Variants in DGKB observed in about 807,000 individuals in gnomAD.
DGKB encodes the protein diacylglycerol kinase beta.
DGKB carries 67 observed loss-of-function variants against 114.3 expected under a neutral mutation model. The ratio of observed to expected loss-of-function variants is 0.59; its 90% CI spans 0.48 to 0.72. The LOEUF (loss-of-function observed/expected upper bound fraction) is 0.72. Among genes scored for constraint, DGKB ranks in the 30% least tolerant of loss-of-function variants. The pLI is 0.00. For missense variants in DGKB, 907 were observed against 975.2 expected, an observed-to-expected ratio of 0.93 and a Z score of 0.93; for synonymous variants, 398 against 323.1, an observed-to-expected ratio of 1.23 and a Z score of -2.49.
intron 1 of DGKB, among the ~76,000 whole-genome samples, chr7:14,920,776 A>C (rs1398705189): frequency 6.6e-6 from 1 of 152,210 alleles, no homozygotes; most frequent in Non-Finnish European, 1.5e-5. Context: ...AAAGATAAGT[A>C]AACTAGGGTA....
intron 12 of DGKB, among the ~76,000 whole-genome samples, chr7:14,680,752 A>G (rs1246573441): frequency 2.0e-5 from 3 of 151,970 alleles, no homozygotes; most frequent in African/African-American, 7.2e-5. Flanking sequence ...GATTAAATAG[A>G]GAAAGAATGA....
At chr7:14,508,226 T>C (rs1584462937) in intron 20 of DGKB, among the ~76,000 whole-genome samples, 1 of 152,200 alleles carries the variant, frequency 6.6e-6, no homozygotes, top group Non-Finnish European at 1.5e-5. Context: ...GTTAGCACAG[T>C]AGGGCTCAAA....
At chr7:14,528,572 A>T (rs1791021789) in intron 20 of DGKB, among the ~76,000 whole-genome samples, 1 of 152,100 alleles carries the variant, frequency 6.6e-6, no homozygotes, top group South Asian at 2.1e-4. Context: ...ATTATGAAGT[A>T]ATCTGTAGAA....
chr7:14,558,737 C>A (rs1227099903), intron 20 of DGKB, among the ~76,000 whole-genome samples: 1 of 152,140 alleles, frequency 6.6e-6, no homozygotes, highest in Non-Finnish European at 1.5e-5. Flanking sequence ...ACCTGCTCAG[C>A]AATTTTATGG....
chr7:14,881,608 A>G (rs896639658), intron 1 of DGKB, among the ~76,000 whole-genome samples: 2 of 152,092 alleles, frequency 1.3e-5, no homozygotes, highest in African/African-American at 4.8e-5. Flanking sequence ...GCTAGGTATT[A>G]TGTGTGTAGA....
chr7:14,229,697 A>G (rs74994201), intron 23 of DGKB, among the ~76,000 whole-genome samples: 8,551 of 152,038 alleles, frequency 0.056, 449 homozygotes, highest in East Asian at 0.13. Flanking sequence ...TGTTTTTTCA[A>G]CAATTACAAA....
chr7:14,379,122 T>C (rs1818972436), intron 21 of DGKB, among the ~76,000 whole-genome samples: 1 of 152,092 alleles, frequency 6.6e-6, no homozygotes, highest in Admixed American at 6.6e-5. Context: ...TTTTAAGACT[T>C]TTTCCCATTA....
At chr7:14,186,916 T>G (rs1783528775) in intron 23 of DGKB, among the ~76,000 whole-genome samples, 1 of 152,020 alleles carries the variant, frequency 6.6e-6, no homozygotes, top group Non-Finnish European at 1.5e-5. Context: ...ATATAGTGAG[T>G]GTATACTGCT....
At chr7:14,635,123 A>C (rs116345208) in intron 13 of DGKB, among the ~76,000 whole-genome samples, 308 of 151,598 alleles carry the variant, frequency 2.0e-3, no homozygotes, top group African/African-American at 6.8e-3. Flanking sequence ...ACTACTTCTC[A>C]CCTGACTCAA....
At chr7:14,326,545 C>G (rs1808771183) in intron 23 of DGKB, among the ~76,000 whole-genome samples, 1 of 151,984 alleles carries the variant, frequency 6.6e-6, no homozygotes, top group Admixed American at 6.6e-5. Context: ...GTAATGAAAT[C>G]TGAAGAAAAC....
intron 8 of DGKB, among the ~76,000 whole-genome samples, chr7:14,697,422 G>C (rs1428606489): frequency 1.3e-5 from 2 of 152,184 alleles, no homozygotes; most frequent in East Asian, 3.9e-4. Context: ...TTATGGCATG[G>C]CATGGCCTTG....
chr7:14,157,296 C>T (rs1783156166), intron 25 of DGKB, among the ~76,000 whole-genome samples: 1 of 151,462 alleles, frequency 6.6e-6, no homozygotes, highest in African/African-American at 2.4e-5. Context: ...GAATAAAGTA[C>T]ATGCTAAATT....
upstream of DGKB, among the ~76,000 whole-genome samples, chr7:14,903,579 C>G (rs1468746985): frequency 6.6e-6 from 1 of 152,058 alleles, no homozygotes; most frequent in African/African-American, 2.4e-5. Context: ...AACCATCTGC[C>G]GAAGCCACTT....
intron 21 of DGKB, among the ~76,000 whole-genome samples, chr7:14,369,569 C>G (rs1217913745): frequency 6.6e-6 from 1 of 152,208 alleles, no homozygotes; most frequent in African/African-American, 2.4e-5. Context: ...TCTCCACATC[C>G]TCTCCAGCAT....
chr7:14,831,376 T>A (rs751605753), intron 2 of DGKB, among the ~76,000 whole-genome samples: 1 of 152,060 alleles, frequency 6.6e-6, no homozygotes, highest in Admixed American at 6.6e-5. Context: ...AGCAGAAGCA[T>A]CTACAGCCTA....
chr7:14,972,818 G>T (rs1055322157), intron 1 of DGKB, among the ~76,000 whole-genome samples: 1 of 151,978 alleles, frequency 6.6e-6, no homozygotes, highest in African/African-American at 2.4e-5. Context: ...ATATCATTTG[G>T]ATTACAGAGA....
intron 14 of DGKB, among the ~76,000 whole-genome samples, chr7:14,628,965 A>T (rs1809163303): frequency 6.6e-6 from 1 of 152,094 alleles, no homozygotes; most frequent in Non-Finnish European, 1.5e-5. Flanking sequence ...AAAAACAAAA[A>T]TTTGGATCTA....
intron 23 of DGKB, among the ~76,000 whole-genome samples, chr7:14,254,258 A>G (rs1481531211): frequency 6.6e-6 from 1 of 152,194 alleles, no homozygotes; most frequent in Admixed American, 6.5e-5. Context: ...GATTATTTTT[A>G]TCATGCTTTC....
intron 1 of DGKB, among the ~76,000 whole-genome samples, chr7:14,909,218 T>C (rs989979089): frequency 7.9e-5 from 12 of 152,172 alleles, no homozygotes; most frequent in African/African-American, 2.9e-4. Flanking sequence ...CACAGCTATG[T>C]CTGTTAAAGC....
Sources: gnomAD v4.1 joint callset for allele counts (sites outside exome capture counted in the v4.1 genomes callset) on GRCh38, gnomAD v4.1.1 for gene constraint, MANE v1.5 for transcripts, NCBI Gene and HGNC (gene_info 2026-07-23, HGNC 2026-07-21) for gene names.